NLN: variants seen among roughly 807,000 people sequenced by gnomAD.
NLN encodes the protein neurolysin, also known as neurolysin, mitochondrial.
Under a neutral mutation model 79.9 loss-of-function variants are expected in NLN, and 64 were observed. That is an observed-to-expected ratio of 0.80 (90% CI 0.65 to 0.99). The LOEUF (loss-of-function observed/expected upper bound fraction) is 0.99, where lower values mean the gene tolerates loss of function less well. Ranked by LOEUF, NLN falls within the 50% of genes least tolerant of loss-of-function variation. The probability of loss-of-function intolerance (pLI) is 0.00; values close to 1 mark genes in which losing one functional copy is unlikely to be tolerated. For missense variants in NLN, 835 were observed against 858.7 expected (o/e 0.97, Z 0.34); for synonymous variants, 267 against 296.6 (o/e 0.90, Z 1.02).
chr5:65,767,492 A>AT (rs578085232), intron 3 of NLN, among the ~76,000 whole-genome samples: 6 of 151,358 alleles, frequency 4.0e-5, no homozygotes, highest in African/African-American at 9.7e-5. Context: ...GCACAAAACC[A>AT]TTTTTTTTCT....
rs1206387828 is a variant in NLN at position 65,812,393 on chromosome 5, TA to T, written c.1980+3del. 6.6e-7 allele frequency: 1 copy of T among 1,503,950 alleles called. No individual in the cohort carries two copies. Among genetic ancestry groups the T allele is most frequent in the South Asian group, 1.1e-5 (1 of 87,750 alleles). The allele number at this position is 1,503,950 out of a possible 1,614,324, so 93.2% of individuals were successfully genotyped here. A position where few individuals can be genotyped will look rare whatever the true frequency, so the allele number is the denominator to read the frequency against. On this transcript the variant is annotated splice_donor_region_variant and intron_variant, in intron 12 of 12. Transcript: ENST00000380985. ...AAAGAAGGGATAATGAATCCAGAGG[TA>T]TAGTATTATTTTTCTCCTTTTATTA...
At chr5:65,821,086 G>T (rs1470638355) in intron 12 of NLN, among the ~76,000 whole-genome samples, 1 of 151,372 alleles carries the variant, frequency 6.6e-6, no homozygotes, top group Non-Finnish European at 1.5e-5. Context: ...AGGAAAGGCA[G>T]AGGCAGCGGC....
chr5:65,737,268 GTAAACTAATAAATCTC>G (rs1758747845), intron 1 of NLN, among the ~76,000 whole-genome samples: 3 of 152,164 alleles, frequency 2.0e-5, no homozygotes, highest in South Asian at 2.1e-4. Context: ...GGGTCAAAAA[GTAAACTAATAAATCTC>G]TAAACTAATA....
At chr5:65,779,936 C>T (rs1370003001) in intron 4 of NLN, 3 of 313,326 alleles carry the variant, frequency 9.6e-6, no homozygotes, top group Middle Eastern at 8.5e-4. Context: ...AACAATTCTC[C>T]TGCCTCAGCC....
intron 8 of NLN, among the ~76,000 whole-genome samples, chr5:65,789,087 C>G (rs1759999452): frequency 6.6e-6 from 1 of 152,106 alleles, no homozygotes; most frequent in African/African-American, 2.4e-5. Flanking sequence ...GAGCTATTAT[C>G]ACACTGCTGC....
intron 3 of NLN, among the ~76,000 whole-genome samples, chr5:65,763,959 G>A (rs1367532737): frequency 6.6e-6 from 1 of 151,960 alleles, no homozygotes; most frequent in Non-Finnish European, 1.5e-5. Context: ...TAAACTTCAT[G>A]GTGAAAGTAA....
chr5:65,809,115 A>G (rs1760485401), intron 9 of NLN: 1 of 160,266 alleles, frequency 6.2e-6, no homozygotes, highest in African/African-American at 2.4e-5. Context: ...AAAAGTAAGC[A>G]ATTGGAAGGA....
At chr5:65,810,276 T>A in intron 11 of NLN, 111 bp downstream of exon 11, 1 of 940,464 alleles carries the variant, frequency 1.1e-6, no homozygotes, top group African/African-American at 1.6e-5. Context: ...GTTTCTGATT[T>A]CTGTAATCAG....
rs753281037 is a variant in NLN at position 65,788,370 on chromosome 5, C to G, written c.1211C>G (p.Ser404Ter). ...ACCTACCAGGAGTTGTTGGGACTTTCATTTGAACAAATGACAGATGCTCAT... is the reference window on the plus strand; with the variant it reads ...ACCTACCAGGAGTTGTTGGGACTTTGATTTGAACAAATGACAGATGCTCAT... ...LNTYQELLGL[S>*]FEQMTDAHVW... The change falls in exon 8 of 13, where the codon TCA (serine) becomes TGA (stop). Residue 404 changes from serine to a stop codon, truncating the protein, a stop_gained. Coordinates refer to ENST00000380985, the MANE Select transcript of NLN (RefSeq NM_020726.5). LOFTEE classifies it high-confidence loss of function. 7 of 1,614,182 alleles carry G rather than the reference C, an allele frequency of 4.3e-6. No homozygotes were observed. In the South Asian group the frequency reaches 6.6e-5, roughly 15 times the overall value.
At chr5:65,794,325 G>T (rs746027005) in intron 9 of NLN, among the ~76,000 whole-genome samples, 14 of 152,056 alleles carry the variant, frequency 9.2e-5, no homozygotes, top group African/African-American at 2.4e-4. Context: ...AAAATGCTTC[G>T]CAAGGCTAGG....
intron 1 of NLN, among the ~76,000 whole-genome samples, chr5:65,756,142 C>T (rs1272651613): frequency 6.6e-6 from 1 of 152,122 alleles, no homozygotes; most frequent in Admixed American, 6.6e-5. Flanking sequence ...CCATATTGGC[C>T]TAATATTCCT....
intron 1 of NLN, among the ~76,000 whole-genome samples, chr5:65,750,445 A>C (rs181868): frequency 6.6e-6 from 1 of 152,112 alleles, no homozygotes; most frequent in African/African-American, 2.4e-5. Context: ...TTGGCCTGGC[A>C]CGATGGCCCA....
chr5:65,806,162 T>C (rs1031593734), intron 9 of NLN, among the ~76,000 whole-genome samples: 6 of 152,226 alleles, frequency 3.9e-5, no homozygotes, highest in African/African-American at 1.4e-4. Context: ...ATGGAGATGT[T>C]CCAGAAGATT....
intron 1 of NLN, among the ~76,000 whole-genome samples, chr5:65,736,783 A>G (rs955625578): frequency 1.3e-5 from 2 of 152,032 alleles, no homozygotes; most frequent in African/African-American, 4.8e-5. Context: ...TACATTTTAG[A>G]TATTGTTCAC....
At chr5:65,764,072 TCTC>T (rs1416747193) in intron 3 of NLN, among the ~76,000 whole-genome samples, 1 of 152,150 alleles carries the variant, frequency 6.6e-6, no homozygotes, top group East Asian at 1.9e-4. Context: ...GTCTTTATAG[TCTC>T]CTCATTTTAT....
At chr5:65,809,427 CT>C (rs944569508) in intron 9 of NLN, 87 bp from the exon 10 acceptor site, 1 of 1,121,040 alleles carries the variant, frequency 8.9e-7, no homozygotes, top group African/African-American at 1.6e-5. Flanking sequence ...CTGATTCTGC[CT>C]TAAGTTTTCG....
At position 65,781,403 on chromosome 5, in the gene NLN, T is replaced by G; in HGVS notation, c.804T>G (p.Phe268Leu). The G allele has an allele frequency of 6.2e-7, 1 of 1,606,744 alleles. No homozygotes were observed. The highest frequency in any genetic ancestry group is 8.5e-7 in the Non-Finnish European group (1 of 1,173,868). ...CCAGAAGAAGGATGGAAATGGCTTT[T>G]AATACAAGGTGCAAAGAGGTATTAT... ...PETRRRMEMA[F>L]NTRCKEENTI... Residue 268 changes from phenylalanine (F) to leucine (L), a missense_variant, in exon 6 of 13, where the codon TTT becomes TTG. Coordinates refer to ENST00000380985, the MANE Select transcript of NLN (RefSeq NM_020726.5).
intron 9 of NLN, among the ~76,000 whole-genome samples, chr5:65,801,119 C>T (rs1760276614): frequency 6.6e-6 from 1 of 152,112 alleles, no homozygotes. Flanking sequence ...TGCCCTAAAA[C>T]TCTTTGAAGT....
chr5:65,758,714 G>C lies in NLN; in HGVS notation c.189G>C (p.Glu63Asp). ...AGCAAATTAAAACAAGAACTGAGGA[G>C]CTCATTGTGCAGACCAAACAGGTGT... ...SPEQIKTRTE[E>D]LIVQTKQVYD... The change falls in exon 2 of 13, where the codon GAG becomes GAC. Residue 63 changes from glutamate (E) to aspartate (D), a missense_variant. By Grantham distance (45) the Glu-to-Asp change is conservative. Transcript: ENST00000380985. 1 of 1,613,818 alleles carries C rather than the reference G, an allele frequency of 6.2e-7. No homozygotes were observed. Among genetic ancestry groups the C allele is most frequent in the Non-Finnish European group, 8.5e-7 (1 of 1,179,814 alleles).
Sources: gnomAD v4.1 joint callset for allele counts (sites outside exome capture counted in the v4.1 genomes callset) on GRCh38, gnomAD v4.1.1 for gene constraint, MANE v1.5 for transcripts, NCBI Gene and HGNC (gene_info 2026-07-23, HGNC 2026-07-21) for gene names.